The following GPC6 variants were observed in gnomAD, a reference collection of about 807,000 sequenced individuals.
GPC6 encodes glypican 6, also known as glypican-6.
In GPC6, 14 loss-of-function variants were observed where a neutral mutation model predicts 55.2. That is an observed-to-expected ratio of 0.25 (90% CI 0.17 to 0.40). The LOEUF is 0.40. Ranked by LOEUF, GPC6 falls within the 10% of genes least tolerant of loss-of-function variation. The probability of loss-of-function intolerance (pLI) is 1.00; values close to 1 mark genes in which losing one functional copy is unlikely to be tolerated. For synonymous variants in GPC6, 278 were observed against 259.6 expected (o/e 1.07, Z -0.68); for missense variants, 641 against 708.5 (o/e 0.90, Z 1.08).
intron 2 of GPC6, among the ~76,000 whole-genome samples, chr13:93,719,362 A>C (rs1019722101): frequency 2.0e-5 from 3 of 151,942 alleles, no homozygotes; most frequent in African/African-American, 7.2e-5. Context: ...ATGGGAGTTC[A>C]CTCATGATTT....
At chr13:94,124,112 G>A (rs546789633) in intron 4 of GPC6, among the ~76,000 whole-genome samples, 10 of 151,966 alleles carry the variant, frequency 6.6e-5, no homozygotes, top group Non-Finnish European at 1.3e-4. Flanking sequence ...TTATAGCCCC[G>A]TATATTCCTT....
intron 2 of GPC6, among the ~76,000 whole-genome samples, chr13:93,675,144 TATG>T (rs940134796): frequency 3.3e-5 from 5 of 152,150 alleles, no homozygotes; most frequent in African/African-American, 1.2e-4. Flanking sequence ...TACAAGTAGT[TATG>T]ATGTAGGTGC....
chr13:93,953,223 G>A (rs1297561101), intron 3 of GPC6, among the ~76,000 whole-genome samples: 1 of 151,898 alleles, frequency 6.6e-6, no homozygotes, highest in Non-Finnish European at 1.5e-5. Context: ...CTACCACTGT[G>A]ATTGTTTTTC....
chr13:93,766,413 A>G (rs1029343553), intron 2 of GPC6, among the ~76,000 whole-genome samples: 1 of 152,178 alleles, frequency 6.6e-6, no homozygotes, highest in Admixed American at 6.5e-5. Flanking sequence ...GATCTGCTGA[A>G]TAGCATTGTG....
intron 3 of GPC6, among the ~76,000 whole-genome samples, chr13:93,933,345 A>G (rs1255399119): frequency 6.6e-6 from 1 of 152,048 alleles, no homozygotes; most frequent in Admixed American, 6.6e-5. Flanking sequence ...GGCTCCTACA[A>G]CAGAGAATTA....
At chr13:94,268,810 A>G (rs1891895247) in intron 4 of GPC6, among the ~76,000 whole-genome samples, 4 of 152,142 alleles carry the variant, frequency 2.6e-5, no homozygotes, top group Admixed American at 2.0e-4. Context: ...ACTGAAGAAC[A>G]TCTCTCATAT....
At chr13:93,504,154 CAT>C (rs1566392908) in intron 1 of GPC6, among the ~76,000 whole-genome samples, 1 of 151,992 alleles carries the variant, frequency 6.6e-6, no homozygotes, top group East Asian at 1.9e-4. Flanking sequence ...AACTGAAAAA[CAT>C]AACACCTTTG....
chr13:94,134,458 C>T (rs1252434296), intron 4 of GPC6, among the ~76,000 whole-genome samples: 1 of 152,170 alleles, frequency 6.6e-6, no homozygotes, highest in Non-Finnish European at 1.5e-5. Flanking sequence ...AAGAATGTGT[C>T]CCCCTCATGC....
chr13:93,826,155 C>T (rs9524244), intron 2 of GPC6, among the ~76,000 whole-genome samples: 35,662 of 151,944 alleles, frequency 0.23, 4,703 homozygotes, highest in East Asian at 0.35. Context: ...CCACTGCACC[C>T]GGCCGGATGT....
chr13:94,369,088 A>G (rs1879411665), intron 6 of GPC6, among the ~76,000 whole-genome samples: 1 of 152,134 alleles, frequency 6.6e-6, no homozygotes, highest in African/African-American at 2.4e-5. Flanking sequence ...TTTTCCTTCA[A>G]TATTTATTAT....
At chr13:93,591,868 T>C (rs1224671060) in intron 2 of GPC6, among the ~76,000 whole-genome samples, 1 of 152,202 alleles carries the variant, frequency 6.6e-6, no homozygotes, top group Non-Finnish European at 1.5e-5. Context: ...TTTTGAATTT[T>C]AGAATTGTAG....
At chr13:94,318,216 A>G (rs1876636637) in intron 6 of GPC6, among the ~76,000 whole-genome samples, 1 of 152,148 alleles carries the variant, frequency 6.6e-6, no homozygotes, top group Non-Finnish European at 1.5e-5. Context: ...TGTTTGCTCT[A>G]TCAATTACTG....
chr13:93,789,413 A>G (rs1348303060), intron 2 of GPC6, among the ~76,000 whole-genome samples: 2 of 149,480 alleles, frequency 1.3e-5, no homozygotes, highest in Admixed American at 6.7e-5. Context: ...TGTACCTATC[A>G]TTACAGTAGA....
intron 2 of GPC6, among the ~76,000 whole-genome samples, chr13:93,674,737 G>A (rs1881514031): frequency 6.6e-6 from 1 of 152,158 alleles, no homozygotes; most frequent in Non-Finnish European, 1.5e-5. Flanking sequence ...TGTGTGATGT[G>A]TCATTTTTCA....
intron 2 of GPC6, among the ~76,000 whole-genome samples, chr13:93,679,768 A>C (rs371119923): frequency 6.6e-6 from 1 of 151,846 alleles, no homozygotes; most frequent in Non-Finnish European, 1.5e-5. Flanking sequence ...TGATTTATTA[A>C]TTTCACAAAT....
intron 4 of GPC6, among the ~76,000 whole-genome samples, chr13:94,167,627 C>A (rs1888412166): frequency 6.6e-6 from 1 of 151,918 alleles, no homozygotes; most frequent in Non-Finnish European, 1.5e-5. Context: ...ATTTTCTAGA[C>A]AAACAAATGT....
the GPC6 span, among the ~76,000 whole-genome samples, chr13:93,217,345 T>C: frequency 2.6e-5 from 4 of 152,262 alleles, no homozygotes; most frequent in Admixed American, 6.5e-5. Flanking sequence ...TTCTCGTTAG[T>C]TATTTTTTGA....
chr13:93,933,637 TAGA>T (rs944834863), intron 3 of GPC6, among the ~76,000 whole-genome samples: 27 of 152,344 alleles, frequency 1.8e-4, no homozygotes, highest in African/African-American at 6.5e-4. Flanking sequence ...ATAAAATCCT[TAGA>T]AGAATGGTTG....
intron 6 of GPC6, among the ~76,000 whole-genome samples, chr13:94,372,826 T>G (rs1410962860): frequency 6.6e-6 from 1 of 152,116 alleles, no homozygotes; most frequent in Non-Finnish European, 1.5e-5. Context: ...CTGACAGCTT[T>G]GAAGAGAGCA....
Sources: gnomAD v4.1 joint callset for allele counts (sites outside exome capture counted in the v4.1 genomes callset) on GRCh38, gnomAD v4.1.1 for gene constraint, MANE v1.5 for transcripts, NCBI Gene and HGNC (gene_info 2026-07-23, HGNC 2026-07-21) for gene names.